Variants in CCNL1 observed in about 807,000 individuals in gnomAD.
The protein encoded by CCNL1 is cyclin L1.
CCNL1 carries 13 observed loss-of-function variants against 60.6 expected under a neutral mutation model. The ratio of observed to expected loss-of-function variants is 0.21; its 90% CI spans 0.14 to 0.34. CCNL1 has a LOEUF of 0.34. CCNL1 is among the 10% of genes least tolerant of loss of function. The pLI is 1.00. For synonymous variants in CCNL1, 270 were observed against 244.3 expected (o/e 1.10, Z -0.98); for missense variants, 481 against 664.3 (o/e 0.72, Z 3.03).
chr3:157,144,691 T>C (rs944972242), downstream of CCNL1, among the ~76,000 whole-genome samples: 5 of 152,356 alleles, frequency 3.3e-5, no homozygotes, highest in African/African-American at 1.2e-4. Flanking sequence ...GCTCCCCTTC[T>C]CAAACCTCAT....
intron 9 of CCNL1, 34 bp downstream of exon 9, chr3:157,149,451 C>T (rs372290470): frequency 8.1e-6 from 13 of 1,609,612 alleles, no homozygotes; most frequent in Non-Finnish European, 1.1e-5. Context: ...ATAAAAGATT[C>T]CTCAAGCCAG....
chr3:157,158,802 T>C (rs1483919932), intron 3 of CCNL1, 64 bp downstream of exon 3: 4 of 1,014,804 alleles, frequency 3.9e-6, no homozygotes, highest in Non-Finnish European at 5.9e-6. Context: ...GATGTTTTGA[T>C]TTGATGACTG....
downstream of CCNL1, among the ~76,000 whole-genome samples, chr3:157,143,892 G>A (rs1737710153): frequency 6.6e-6 from 1 of 152,148 alleles, no homozygotes; most frequent in Non-Finnish European, 1.5e-5. Context: ...GAGTGATATG[G>A]GAAACCACTG....
At chr3:157,152,803 C>G in intron 4 of CCNL1, 1 of 1,244,828 alleles carries the variant, frequency 8.0e-7, no homozygotes, top group Non-Finnish European at 1.0e-6. Context: ...ACAAAAATAA[C>G]TTCTCTATGA....
In CCNL1 at chr3:157,147,880, A is replaced by G; in HGVS notation, c.*361T>C. On this transcript the variant is annotated 3_prime_UTR_variant, in exon 11 of 11. Transcript: ENST00000295926. The stretch of plus-strand genomic sequence containing the variant: ...AACCAGTGTTAAGAAAGTATTCACC[A>G]TCATTTAAACAAATAACCACTTAAA... The G allele has an allele frequency of 1.0e-6, 1 of 1,002,664 alleles. No individual in the cohort carries two copies. Among genetic ancestry groups the G allele is most frequent in the Non-Finnish European group, 1.2e-6 (1 of 841,416 alleles). 62.1% of individuals were successfully genotyped at this position (1,002,664 alleles called of 1,614,324 possible).
chr3:157,159,059 C>G (rs1738846201), intron 2 of CCNL1, 84 bp from the exon 3 acceptor site: 2 of 901,100 alleles, frequency 2.2e-6, no homozygotes, highest in Admixed American at 4.3e-5. Flanking sequence ...TTGGGACAAC[C>G]TTTAGTAAAA....
chr3:157,146,452 A>G (rs906851518), downstream of CCNL1: 10 of 426,126 alleles, frequency 2.3e-5, no homozygotes, highest in Non-Finnish European at 4.6e-5. Flanking sequence ...CTTCACAAAC[A>G]ACCCTCACCC....
At chr3:157,154,467 A>G (rs1470446588) in intron 3 of CCNL1, 1 of 152,164 alleles carries the variant, frequency 6.6e-6, no homozygotes, top group East Asian at 1.9e-4. Flanking sequence ...TACACGATCT[A>G]TTTTTAAGAC....
At chr3:157,150,504 T>C in intron 5 of CCNL1, 123 bp from the exon 6 acceptor site, 1 of 1,433,036 alleles carries the variant, frequency 7.0e-7, no homozygotes, top group Non-Finnish European at 9.2e-7. Context: ...CACATCCTCA[T>C]ATTCTAGCAT....
In CCNL1 at chr3:157,147,626, A is replaced by C; in HGVS notation, c.*615T>G. ...CGACTCCCATTTACTTTTTCCATAT[A>C]TACAGTGAAGACTTACAATAGCTCA... On this transcript the variant is annotated 3_prime_UTR_variant, in exon 11 of 11. Transcript: ENST00000295926. 2.0e-6 allele frequency: 2 copies of C among 985,340 alleles called. No individual in the cohort carries two copies. The highest frequency in any genetic ancestry group is 1.2e-6 in the Non-Finnish European group (1 of 829,830). 61.0% of individuals were successfully genotyped at this position (985,340 alleles called of 1,614,324 possible). A position where few individuals can be genotyped will look rare whatever the true frequency, so the allele number is the denominator to read the frequency against.
chr3:157,156,164 A>G lies in CCNL1; in HGVS notation c.488+2702T>C, dbSNP rs563415188. 3.5e-4 allele frequency among the ~76,000 whole-genome samples: 53 copies of G among 152,362 alleles called. 1 individual carries two copies. In the South Asian group the frequency reaches 9.7e-3, roughly 28 times the overall value. ...ATTGGAACCAAGTCTTCAAGAGACT[A>G]TAACAGATTGGTAGTTTACAAAGAG... is the stretch of plus-strand genomic sequence containing the variant. On this transcript the variant is annotated intron_variant, in intron 3 of 10. Coordinates refer to ENST00000295926, the MANE Select transcript of CCNL1 (RefSeq NM_020307.4).
chr3:157,155,048 A>G (rs1423405228), intron 3 of CCNL1, among the ~76,000 whole-genome samples: 3 of 152,056 alleles, frequency 2.0e-5, no homozygotes, highest in Admixed American at 1.3e-4. Flanking sequence ...AGTAAAACCA[A>G]CTTCAGACTC....
At chr3:157,153,376 A>C (rs1460090727) in intron 3 of CCNL1, 1 of 415,348 alleles carries the variant, frequency 2.4e-6, no homozygotes, top group African/African-American at 2.0e-5. Flanking sequence ...CAATTCTGTA[A>C]TGAAAAAAAT....
At chr3:157,146,482 G>A, downstream of CCNL1, 2 of 445,418 alleles carry the variant, frequency 4.5e-6, no homozygotes, top group South Asian at 1.6e-5. Flanking sequence ...CTATTTCCAA[G>A]CAAAGATTAG....
chr3:157,150,868 C>T (rs1161735197), intron 5 of CCNL1: 1 of 985,208 alleles, frequency 1.0e-6, no homozygotes, highest in East Asian at 1.1e-4. Flanking sequence ...CCAAGTTAAA[C>T]TTATATTAAG....
intron 5 of CCNL1, chr3:157,150,807 C>G: frequency 1.0e-6 from 1 of 989,358 alleles, no homozygotes; most frequent in Non-Finnish European, 1.2e-6. Flanking sequence ...AAGTTCTTTT[C>G]AAAAGCTCAA....
intron 3 of CCNL1, among the ~76,000 whole-genome samples, chr3:157,157,333 AT>A (rs1403640982): frequency 1.3e-5 from 2 of 152,248 alleles, no homozygotes; most frequent in Admixed American, 1.3e-4. Context: ...GTGAGATTAT[AT>A]TATTTTAAAT....
chr3:157,148,732 C>T (rs1226310685), intron 10 of CCNL1, 143 bp from the exon 11 acceptor site: 2 of 649,224 alleles, frequency 3.1e-6, no homozygotes, highest in African/African-American at 1.8e-5. Flanking sequence ...CCACCCCTCA[C>T]TGCTGTATGC....
downstream of CCNL1, chr3:157,146,627 A>AAT (rs764440741): frequency 4.9e-5 from 18 of 367,420 alleles, no homozygotes; most frequent in Non-Finnish European, 7.9e-5. Flanking sequence ...AAAAAAAAAA[A>AAT]GTTAAAAAAA....
Sources: allele counts gnomAD v4.1 joint callset (sites outside exome capture counted in the v4.1 genomes callset), GRCh38; gene constraint gnomAD v4.1.1; transcripts MANE v1.5; gene names NCBI Gene and HGNC (gene_info 2026-07-23, HGNC 2026-07-21).